The following DIAPH2 variants were observed in gnomAD, a reference collection of about 807,000 sequenced individuals.
The protein encoded by DIAPH2 is diaphanous related formin 2, also known as protein diaphanous homolog 2.
A neutral mutation model predicts 92.7 loss-of-function variants in DIAPH2; 35 were observed. That is an observed-to-expected ratio of 0.38 (90% CI 0.29 to 0.50). The LOEUF is 0.50. Among genes scored for constraint, DIAPH2 ranks in the 20% least tolerant of loss-of-function variants. The pLI, the probability that DIAPH2 is intolerant of heterozygous loss-of-function variation, is 0.94. For synonymous variants in DIAPH2, 301 were observed against 280.4 expected, an observed-to-expected ratio of 1.07 and a Z score of -0.73; for missense variants, 701 against 819.5, an observed-to-expected ratio of 0.86 and a Z score of 1.77.
intron 5 of DIAPH2, among the ~76,000 whole-genome samples, chrX:96,891,997 A>G: frequency 1.8e-5 from 2 of 112,372 alleles, no homozygotes; most frequent in African/African-American, 6.4e-5. Flanking sequence ...TTTCTAGTGT[A>G]TTTACAAATG....
At chrX:97,210,245 A>T (rs1433585640) in intron 22 of DIAPH2, among the ~76,000 whole-genome samples, 1 of 112,056 alleles carries the variant, frequency 8.9e-6, no homozygotes, top group African/African-American at 3.2e-5. Context: ...GACACACTTG[A>T]CTTTGATATA....
At chrX:97,472,899 A>T (rs1178207632) in intron 26 of DIAPH2, among the ~76,000 whole-genome samples, 1 of 111,944 alleles carries the variant, frequency 8.9e-6, no homozygotes, top group Non-Finnish European at 1.9e-5. Context: ...ACATTCCCCC[A>T]AATGCAACCT....
chrX:97,576,611 T>G (rs1483236170), intron 26 of DIAPH2, among the ~76,000 whole-genome samples: 1 of 111,406 alleles, frequency 9.0e-6, no homozygotes, highest in African/African-American at 3.3e-5. Flanking sequence ...GAATGTGATA[T>G]TGATTCAGGA....
rs147287765 is a variant in DIAPH2, at chrX:96,927,026, T to G, written c.979-3707T>G. ...ATATTCAATTCAAGGGCATTTGTTTTCTTTCTAAGATCAGGAGAAATGATA... is the reference window on the plus strand; with the variant it reads ...ATATTCAATTCAAGGGCATTTGTTTGCTTTCTAAGATCAGGAGAAATGATA... On this transcript the variant is annotated intron_variant, in intron 9 of 26. Transcript: ENST00000324765. 1.4e-4 allele frequency among the ~76,000 whole-genome samples: 16 copies of G among 111,514 alleles called. No homozygotes were observed. In the East Asian group the frequency reaches 4.5e-3, roughly 31 times the overall value.
chrX:97,534,929 AC>A (rs1462016406), intron 26 of DIAPH2, among the ~76,000 whole-genome samples: 1 of 111,581 alleles, frequency 9.0e-6, no homozygotes, highest in Non-Finnish European at 1.9e-5. Flanking sequence ...AGAACATATA[AC>A]CCCAGTCTAA....
At chrX:97,516,774 G>C (rs1193982124) in intron 26 of DIAPH2, among the ~76,000 whole-genome samples, 1 of 111,952 alleles carries the variant, frequency 8.9e-6, no homozygotes, top group African/African-American at 3.3e-5. Flanking sequence ...CAGGCTGGAG[G>C]GCAGTGGTGC....
chrX:96,824,259 A>G (rs140336911), intron 4 of DIAPH2, among the ~76,000 whole-genome samples: 1,301 of 111,202 alleles, frequency 0.012, 20 homozygotes, highest in African/African-American at 0.039. Flanking sequence ...AAGGGAAACA[A>G]TTGCAAACAG....
chrX:96,946,453 C>T (rs1013707555), intron 14 of DIAPH2, among the ~76,000 whole-genome samples: 2 of 111,466 alleles, frequency 1.8e-5, no homozygotes, highest in African/African-American at 6.5e-5. Context: ...TATGACTTAC[C>T]TTGGAGATTA....
chrX:97,240,372 C>T (rs757312910), intron 22 of DIAPH2, among the ~76,000 whole-genome samples: 13 of 110,761 alleles, frequency 1.2e-4, no homozygotes, highest in African/African-American at 4.3e-4. Flanking sequence ...TTTGGGAGGC[C>T]GAGGAGGGTG....
chrX:97,347,153 A>G lies in DIAPH2; in HGVS notation c.2845-963A>G, dbSNP rs781505870. 8.8e-5 allele frequency among the ~76,000 whole-genome samples: 9 copies of G among 101,990 alleles called. No homozygotes were observed. In the East Asian group the frequency reaches 2.7e-3, roughly 31 times the overall value. The allele number at this position is 101,990 out of a possible 115,157, so 88.6% of individuals were successfully genotyped here. On this transcript the variant is annotated intron_variant, in intron 23 of 26. Coordinates refer to ENST00000324765, the MANE Select transcript of DIAPH2 (RefSeq NM_006729.5). ...GCCCAGGCTGGAGTGCAGTGGCGCA[A>G]TCTTGGCTCAGCACAGCCTCCACCT...
At chrX:96,704,558 C>G (rs1385759390) in intron 1 of DIAPH2, among the ~76,000 whole-genome samples, 1 of 111,750 alleles carries the variant, frequency 8.9e-6, no homozygotes, top group South Asian at 3.8e-4. Flanking sequence ...CTCTTACTTG[C>G]CCTACCATAT....
intron 23 of DIAPH2, among the ~76,000 whole-genome samples, chrX:97,297,076 C>CTT (rs57145821): frequency 1.4e-3 from 28 of 20,729 alleles, no homozygotes; most frequent in African/African-American, 5.0e-3. Context: ...CAGGCCTGGC[C>CTT]TTTTTTTTTT....
rs534551105 is a variant in DIAPH2 at position 97,281,028 on chromosome X, A to C, written c.2844+33189A>C. On this transcript the variant is annotated intron_variant, in intron 23 of 26. Transcript: ENST00000324765. ...GTGAATGTGTTTTGACTTTGTATTA[A>C]TTTCCTCTTAAACTGAAAGATTTTC... Among the ~76,000 whole-genome samples, 6 of 112,387 alleles carry C rather than the reference A, an allele frequency of 5.3e-5. No homozygotes were observed. In the South Asian group the frequency reaches 2.2e-3, roughly 41 times the overall value.
At chrX:96,775,925 T>G (rs2064374448) in intron 4 of DIAPH2, among the ~76,000 whole-genome samples, 1 of 111,905 alleles carries the variant, frequency 8.9e-6, no homozygotes, top group African/African-American at 3.2e-5. Flanking sequence ...TATATATTTT[T>G]GAAGAATGTG....
chrX:96,902,863 T>C (rs1225326418), intron 5 of DIAPH2, among the ~76,000 whole-genome samples: 1 of 111,204 alleles, frequency 9.0e-6, no homozygotes, highest in Non-Finnish European at 1.9e-5. Flanking sequence ...AAAAAGAACA[T>C]TTGGACTTGC....
At chrX:97,165,848 T>TTAAAAGTGCAGCTGCTTAA (rs2067408547) in intron 22 of DIAPH2, among the ~76,000 whole-genome samples, 1 of 110,957 alleles carries the variant, frequency 9.0e-6, no homozygotes, top group Admixed American at 9.6e-5. Flanking sequence ...AGGCACAAGG[T>TTAAAAGTGCAGCTGCTTAA]ATTCTGCATA....
chrX:97,300,721 A>T (rs185201934), intron 23 of DIAPH2, among the ~76,000 whole-genome samples: 1 of 93,924 alleles, frequency 1.1e-5, no homozygotes, highest in Non-Finnish European at 2.1e-5. Context: ...TCACAAGGTC[A>T]GGAGATTGAG....
chrX:97,332,161 A>G (rs1167749480), intron 23 of DIAPH2, among the ~76,000 whole-genome samples: 1 of 111,704 alleles, frequency 9.0e-6, no homozygotes, highest in Non-Finnish European at 1.9e-5. Context: ...AAAAAATCAA[A>G]ATACTTTTTA....
intron 4 of DIAPH2, among the ~76,000 whole-genome samples, chrX:96,859,672 C>T (rs1055187824): frequency 4.6e-4 from 50 of 108,260 alleles, no homozygotes; most frequent in African/African-American, 1.5e-3. Flanking sequence ...GAGGGAGTCT[C>T]ACTGTGTTGC....
Sources: allele counts gnomAD v4.1 joint callset (sites outside exome capture counted in the v4.1 genomes callset), GRCh38; gene constraint gnomAD v4.1.1; transcripts MANE v1.5; gene names NCBI Gene and HGNC (gene_info 2026-07-23, HGNC 2026-07-21).